Variants in RBFOX1 observed in about 807,000 individuals in gnomAD.
The protein encoded by RBFOX1 is RNA binding fox-1 homolog 1.
In RBFOX1, 8 loss-of-function variants were observed where a neutral mutation model predicts 57.7. The ratio of observed to expected loss-of-function variants is 0.14; its 90% CI spans 0.08 to 0.25. The LOEUF (loss-of-function observed/expected upper bound fraction) is 0.25. Among genes scored for constraint, RBFOX1 ranks in the 10% least tolerant of loss-of-function variants. The probability of loss-of-function intolerance (pLI) is 1.00; values close to 1 mark genes in which losing one functional copy is unlikely to be tolerated. For synonymous variants in RBFOX1, 326 were observed against 222.4 expected, an observed-to-expected ratio of 1.47 and a Z score of -4.15; for missense variants, 611 against 548.5, an observed-to-expected ratio of 1.11 and a Z score of -1.14.
chr16:6,361,290 C>A (rs1250503113), intron 2 of RBFOX1, among the ~76,000 whole-genome samples: 1 of 152,086 alleles, frequency 6.6e-6, no homozygotes, highest in African/African-American at 2.4e-5. Context: ...AAGATGTAGA[C>A]AAGAACTTTA....
At chr16:5,389,666 CTATTTTATTT>C (rs972093697) in intron 1 of RBFOX1, among the ~76,000 whole-genome samples, 14 of 151,658 alleles carry the variant, frequency 9.2e-5, no homozygotes, top group South Asian at 2.1e-4. Context: ...GCTTCTCTTC[CTATTTTATTT>C]TATTTTATTA....
At chr16:7,032,387 G>A (rs2043035933) in intron 3 of RBFOX1, among the ~76,000 whole-genome samples, 1 of 152,106 alleles carries the variant, frequency 6.6e-6, no homozygotes, top group African/African-American at 2.4e-5. Context: ...GGAGGTTGCA[G>A]TGAGCTGAGA....
intron 4 of RBFOX1, among the ~76,000 whole-genome samples, chr16:5,984,162 C>T (rs1286722919): frequency 2.2e-5 from 1 of 45,680 alleles, no homozygotes; most frequent in African/African-American, 1.0e-4. Context: ...CCCCCTCCTC[C>T]TCCTCCCCTT....
chr16:7,304,576 G>C (rs1009614718), intron 4 of RBFOX1: 2 of 985,272 alleles, frequency 2.0e-6, no homozygotes, highest in Non-Finnish European at 2.4e-6. Flanking sequence ...GGTGCCTTAT[G>C]TAGGTTCTGA....
chr16:5,442,907 C>G (rs181037175), intron 1 of RBFOX1, among the ~76,000 whole-genome samples: 2 of 152,080 alleles, frequency 1.3e-5, no homozygotes, highest in African/African-American at 4.8e-5. Context: ...TTAAGATGGA[C>G]CTGAAATCCA....
chr16:6,736,703 G>T (rs1193581579), intron 3 of RBFOX1, among the ~76,000 whole-genome samples: 1 of 152,176 alleles, frequency 6.6e-6, no homozygotes, highest in Non-Finnish European at 1.5e-5. Context: ...TCAAATGGTA[G>T]TTCTACTTTT....
At position 6,128,321 on chromosome 16, in the gene RBFOX1, A is replaced by G. The variant is rs145972029; in HGVS notation, c.-127+108329A>G. On this transcript the variant is annotated intron_variant, in intron 1 of 15. Transcript: ENST00000550418. The stretch of plus-strand genomic sequence containing the variant: ...ATATCTTACATTATGTTTTTATTTT[A>G]CCCTATTACTCTAAGAAGACTTCTG... 6.4e-4 allele frequency among the ~76,000 whole-genome samples: 98 copies of G among 152,278 alleles called. No individual in the cohort carries two copies. The East Asian group carries it at 0.017, about 27-fold the overall frequency.
intron 2 of RBFOX1, among the ~76,000 whole-genome samples, chr16:6,560,666 C>T (rs147955410): frequency 6.6e-6 from 1 of 152,280 alleles, no homozygotes; most frequent in East Asian, 1.9e-4. Flanking sequence ...TCTTGACTTA[C>T]ATTTCAAATG....
chr16:6,924,498 A>C (rs1339223707), intron 3 of RBFOX1, among the ~76,000 whole-genome samples: 1 of 152,080 alleles, frequency 6.6e-6, no homozygotes, highest in South Asian at 2.1e-4. Context: ...CCATAACTCA[A>C]ATATTTCCCT....
chr16:6,704,116 A>C (rs1281618574), intron 3 of RBFOX1: 3 of 152,094 alleles, frequency 2.0e-5, no homozygotes, highest in Non-Finnish European at 4.4e-5. Context: ...CTAATTTCTT[A>C]ATTCATTTCA....
chr16:6,023,273 A>G (rs2095120393), intron 1 of RBFOX1, among the ~76,000 whole-genome samples: 2 of 151,566 alleles, frequency 1.3e-5, no homozygotes, highest in South Asian at 4.1e-4. Flanking sequence ...GAAGCTATAT[A>G]TATATATATA....
chr16:7,280,741 G>C (rs1697645036), intron 4 of RBFOX1, among the ~76,000 whole-genome samples: 1 of 152,210 alleles, frequency 6.6e-6, no homozygotes, highest in East Asian at 1.9e-4. Context: ...ATCCATTGTA[G>C]GATGTTTGGC....
At chr16:6,707,160 G>T (rs1428436940) in intron 3 of RBFOX1, among the ~76,000 whole-genome samples, 1 of 152,110 alleles carries the variant, frequency 6.6e-6, no homozygotes, top group Non-Finnish European at 1.5e-5. Flanking sequence ...AAAGGAAATT[G>T]TAAGGTGCAT....
At chr16:6,012,533 C>T (rs761448886) in intron 4 of RBFOX1, among the ~76,000 whole-genome samples, 5 of 152,176 alleles carry the variant, frequency 3.3e-5, no homozygotes, top group African/African-American at 7.2e-5. Flanking sequence ...CAGGGAGTCC[C>T]TCCACAGCAA....
intron 1 of RBFOX1, among the ~76,000 whole-genome samples, chr16:6,128,129 T>A (rs1214426386): frequency 6.6e-6 from 1 of 152,132 alleles, no homozygotes; most frequent in Non-Finnish European, 1.5e-5. Flanking sequence ...ATTTGAAGAG[T>A]TACTATGAAA....
intron 4 of RBFOX1, among the ~76,000 whole-genome samples, chr16:7,238,819 T>C (rs1408482519): frequency 6.6e-6 from 1 of 152,148 alleles, no homozygotes; most frequent in African/African-American, 2.4e-5. Flanking sequence ...GAGACCCCAG[T>C]GTGTGTTGTT....
intron 1 of RBFOX1, among the ~76,000 whole-genome samples, chr16:6,249,848 A>G (rs575174732): frequency 1.3e-5 from 2 of 150,492 alleles, no homozygotes; most frequent in South Asian, 4.2e-4. Flanking sequence ...ATATGTATAC[A>G]TGTGCCATGT....
chr16:6,898,598 A>G (rs74008416), intron 3 of RBFOX1, among the ~76,000 whole-genome samples: 12,098 of 152,168 alleles, frequency 0.08, 1,618 homozygotes, highest in African/African-American at 0.27. Flanking sequence ...CGTGGGAGTA[A>G]CATAAAAGGA....
At chr16:5,911,707 A>G (rs939566682) in intron 4 of RBFOX1, among the ~76,000 whole-genome samples, 1 of 152,170 alleles carries the variant, frequency 6.6e-6, no homozygotes, top group African/African-American at 2.4e-5. Flanking sequence ...GAAGTCCAGG[A>G]TGAAGGCAGA....
Sources: gnomAD v4.1 joint callset for allele counts (sites outside exome capture counted in the v4.1 genomes callset) on GRCh38, gnomAD v4.1.1 for gene constraint, MANE v1.5 for transcripts, NCBI Gene and HGNC (gene_info 2026-07-23, HGNC 2026-07-21) for gene names.